Variants in SIX5 observed in about 807,000 individuals in gnomAD.
The protein encoded by SIX5 is homeobox protein SIX5.
A neutral mutation model predicts 37.1 loss-of-function variants in SIX5; 21 were observed. The ratio of observed to expected loss-of-function variants is 0.57; its 90% CI spans 0.40 to 0.81. The LOEUF (loss-of-function observed/expected upper bound fraction) is 0.81. Ranked by LOEUF, SIX5 falls within the 40% of genes least tolerant of loss-of-function variation. The probability of loss-of-function intolerance (pLI) is 0.00; values close to 1 mark genes in which losing one functional copy is unlikely to be tolerated. For synonymous variants in SIX5, 626 were observed against 505.9 expected, an observed-to-expected ratio of 1.24 and a Z score of -3.19; for missense variants, 1,137 against 1,025.1, an observed-to-expected ratio of 1.11 and a Z score of -1.49.
chr19:45,766,940 C>T lies in SIX5; in HGVS notation c.1019G>A (p.Gly340Glu). The T allele has an allele frequency of 6.4e-7, 1 of 1,573,496 alleles. No homozygotes were observed. Among genetic ancestry groups the T allele is most frequent in the African/African-American group, 1.4e-5 (1 of 74,058 alleles). ...ASGSPAVLLN[G>E]GPVIINGLAL... is the part of the protein sequence containing the mutation. ...CAGGCCGTTGATGATGACGGGGCCC[C>T]CGTTGAGGAGCACTGCTGGGGAGCC... Residue 340 changes from glycine (G) to glutamate (E), a missense_variant, in exon 2 of 3, where the codon GGG becomes GAG. Gly to Glu is a moderately conservative substitution (Grantham distance 98). Transcript: ENST00000317578.
rs1969153559 is a variant in SIX5 at position 45,768,814 on chromosome 19, C to G, written c.31G>C (p.Gly11Arg). Residue 11 changes from glycine (G) to arginine (R), a missense_variant, in exon 1 of 3, where the codon GGG becomes CGG. Coordinates refer to ENST00000317578, the MANE Select transcript of SIX5 (RefSeq NM_175875.5). MATLPAEPSA[G>R]PAAGGEAVAA... ...ACCGCCTCCCCCCCAGCCGCCGGCC[C>G]CGCGCTCGGCTCCGCAGGCAAGGTA... The G allele has an allele frequency of 1.3e-6, 2 of 1,530,254 alleles. No homozygotes were observed. Among genetic ancestry groups the G allele is most frequent in the African/African-American group, 2.7e-5 (2 of 72,878 alleles). 94.8% of individuals were successfully genotyped at this position (1,530,254 alleles called of 1,614,324 possible).
chr19:45,766,902 C>T lies in SIX5; in HGVS notation c.1057G>A (p.Ala353Thr). 6.4e-7 allele frequency: 1 copy of T among 1,552,654 alleles called. No homozygotes were observed. Among genetic ancestry groups the T allele is most frequent in the Non-Finnish European group, 8.7e-7 (1 of 1,151,634 alleles). Residue 353 changes from alanine to threonine, a missense_variant, in exon 2 of 3, where the codon GCC becomes ACC. By Grantham distance (58) the Ala-to-Thr change is moderately conservative. Transcript: ENST00000317578. ...VIINGLALGE[A>T]SSLGPLLLTG... ...AGCAGCAGCGGGCCCAGGCTGGAGGCCTCGCCCAGGGCCAGGCCGTTGATG... is the reference window on the plus strand; with the variant it reads ...AGCAGCAGCGGGCCCAGGCTGGAGGTCTCGCCCAGGGCCAGGCCGTTGATG...
At chr19:45,767,189 T>G in intron 1 of SIX5, 34 bp from the exon 2 acceptor site, 1 of 1,600,710 alleles carries the variant, frequency 6.2e-7, no homozygotes, top group Non-Finnish European at 8.5e-7. Context: ...CTGGGGTCCC[T>G]TAGCCTGTGG....
intron 1 of SIX5, 77 bp from the exon 2 acceptor site, chr19:45,767,232 A>C (rs1782632727): frequency 2.0e-6 from 3 of 1,471,674 alleles, no homozygotes; most frequent in Non-Finnish European, 2.8e-6. Flanking sequence ...CTGCTCCCCC[A>C]CCTTTCCCTG....
chr19:45,767,258 G>T, intron 1 of SIX5, 103 bp from the exon 2 acceptor site: 1 of 1,239,602 alleles, frequency 8.1e-7, no homozygotes, highest in Non-Finnish European at 1.1e-6. Flanking sequence ...AGTTTCGGTG[G>T]ATCATTCCAG....
rs1969090607 is a variant in SIX5 at position 45,766,979 on chromosome 19, A to C, written c.980T>G (p.Phe327Cys). ...TGCTGGGGAGCCGCTGGCTGCCAGG[A>C]AGCTCCCGTTCACCAGGATGGAGGA... Reference protein sequence around the residue: ...ASSSILVNGSFLAASGSPAVL... With the variant: ...ASSSILVNGSCLAASGSPAVL... The change falls in exon 2 of 3, where the codon TTC becomes TGC. Residue 327 changes from phenylalanine to cysteine, a missense_variant. Around this residue, in one of 3 missense-constraint regions of SIX5, gnomAD observed 787 missense variants for 621.4 expected, o/e 1.27. Transcript: ENST00000317578. 1 of 1,599,680 alleles carries C rather than the reference A, an allele frequency of 6.3e-7. No homozygotes were observed.
rs1168308724 is a variant in SIX5 at position 45,768,942 on chromosome 19, C to T, written c.-98G>A. The T allele has an allele frequency of 9.4e-6, 11 of 1,174,336 alleles. No homozygotes were observed. Among genetic ancestry groups the T allele is most frequent in the Admixed American group, 6.4e-5 (3 of 46,616 alleles). The allele number at this position is 1,174,336 out of a possible 1,614,324, so 72.7% of individuals were successfully genotyped here. A position where few individuals can be genotyped will look rare whatever the true frequency, so the allele number is the denominator to read the frequency against. Reference sequence around the variant, plus strand: ...TGTCCCCCCTTTTCGCCCCCACTCCCCGCTCTTCTCGATCTTCTTTCTGGC... The same window carrying T: ...TGTCCCCCCTTTTCGCCCCCACTCCTCGCTCTTCTCGATCTTCTTTCTGGC... On this transcript the variant is annotated 5_prime_UTR_variant, in exon 1 of 3. Coordinates refer to ENST00000317578, the MANE Select transcript of SIX5 (RefSeq NM_175875.5).
Position 45,765,495 on chromosome 19 carries a change from A to G in SIX5, c.*6T>C, listed in dbSNP as rs1413826890. The G allele has an allele frequency of 1.2e-6, 2 of 1,613,158 alleles. No homozygotes were observed. The highest frequency in any genetic ancestry group is 1.1e-5 in the South Asian group (1 of 91,082). On this transcript the variant is annotated 3_prime_UTR_variant, in exon 3 of 3. Transcript: ENST00000317578. ...ATGTCGGGAGAGGCCACGGGGCCAC[A>G]CTGGGTCACAGTTCCAAGGGCTCCT...
chr19:45,767,080 T>C lies in SIX5; in HGVS notation c.879A>G (p.Pro293=), dbSNP rs907867982. The stretch of plus-strand genomic sequence containing the variant: ...CCTGGGCAGCGGCCTCGGCGGACAC[T>C]GGGGCCGCCCCTCTCTCCAGGTCCT... ...SPEDLERGAA[P]VSAEAAAQGS... is the part of the protein sequence containing the mutation. Residue 293 remains proline, a synonymous_variant, in exon 2 of 3, where the codon CCA becomes CCG. Coordinates refer to ENST00000317578, the MANE Select transcript of SIX5 (RefSeq NM_175875.5). 25 of 1,609,460 alleles carry C rather than the reference T, an allele frequency of 1.6e-5. No individual in the cohort carries two copies. Among genetic ancestry groups the C allele is most frequent in the Non-Finnish European group, 2.0e-5 (23 of 1,177,666 alleles).
rs1969044656 is a variant in SIX5 at position 45,765,247 on chromosome 19, C to G, written c.*254G>C. On this transcript the variant is annotated 3_prime_UTR_variant, in exon 3 of 3. Coordinates refer to ENST00000317578, the MANE Select transcript of SIX5 (RefSeq NM_175875.5). ...GCCCCTGAGTCAGGACCCTGAGTCC[C>G]CCACGTATATGGCAGGGCACAGCAT... 1.7e-6 allele frequency: 1 copy of G among 589,244 alleles called. No individual in the cohort carries two copies. Among genetic ancestry groups the G allele is most frequent in the Non-Finnish European group, 3.0e-6 (1 of 329,310 alleles). 36.5% of individuals were successfully genotyped at this position (589,244 alleles called of 1,614,324 possible).
Position 45,768,772 on chromosome 19 carries a change from TCGC to T in SIX5, c.70_72del (p.Ala24del), listed in dbSNP as rs746882479. 43 of 1,525,220 alleles carry T rather than the reference TCGC, an allele frequency of 2.8e-5. No individual in the cohort carries two copies. The highest frequency in any genetic ancestry group is 2.1e-4 in the Middle Eastern group (1 of 4,760). The allele number at this position is 1,525,220 out of a possible 1,614,324, so 94.5% of individuals were successfully genotyped here. A position where few individuals can be genotyped will look rare whatever the true frequency, so the allele number is the denominator to read the frequency against. ...CGCGCTTCCTCCTCCTCCTCTTCGG[TCGC>T]CGCCGCCGCCGCCACCGCCTCCCCC... is the stretch of plus-strand genomic sequence containing the variant. On this transcript the variant is annotated inframe_deletion, in exon 1 of 3. Coordinates refer to ENST00000317578, the MANE Select transcript of SIX5 (RefSeq NM_175875.5).
chr19:45,767,471 G>C (rs965788943), intron 1 of SIX5, among the ~76,000 whole-genome samples: 2 of 152,206 alleles, frequency 1.3e-5, no homozygotes, highest in Non-Finnish European at 2.9e-5. Context: ...CTGGAGAGAG[G>C]GAGCAGCAGC....
rs1159003805 is a variant in SIX5, at chr19:45,769,050, CGTCT to C, written c.-210_-207del. 4.1e-5 allele frequency: 22 copies of C among 531,968 alleles called. No homozygotes were observed. The highest frequency in any genetic ancestry group is 7.0e-5 in the Non-Finnish European group (21 of 299,712). The allele number at this position is 531,968 out of a possible 1,614,324, so 33.0% of individuals were successfully genotyped here. A position where few individuals can be genotyped will look rare whatever the true frequency, so the allele number is the denominator to read the frequency against. On this transcript the variant is annotated 5_prime_UTR_variant, in exon 1 of 3. Transcript: ENST00000317578. ...CCCTTGTGTGTGTCCGTCCCCCTCC[CGTCT>C]GTCTGTGATTCTCCCTTTGTTTTCC...
chr19:45,765,531 C>G lies in SIX5; in HGVS notation c.2190G>C (p.Ser730=). ...GTTCCAAGGGCTCCTCCACAGGCAC[C>G]GACTGGAGCTGGGTCAGAACCTTGG... ...AEAKVLTQLQ[S]VPVEEPLEL The change falls in exon 3 of 3, where the codon TCG becomes TCC. Residue 730 remains serine, a synonymous_variant. Coordinates refer to ENST00000317578, the MANE Select transcript of SIX5 (RefSeq NM_175875.5). 1 of 1,613,490 alleles carries G rather than the reference C, an allele frequency of 6.2e-7. No individual in the cohort carries two copies. Among genetic ancestry groups the G allele is most frequent in the Non-Finnish European group, 8.5e-7 (1 of 1,180,026 alleles).
At position 45,765,951 on chromosome 19, in the gene SIX5, C is replaced by G. The variant is rs1969062771; in HGVS notation, c.1770G>C (p.Glu590Asp). 6.3e-7 allele frequency: 1 copy of G among 1,598,204 alleles called. No individual in the cohort carries two copies. Residue 590 changes from glutamate to aspartate, a missense_variant, in exon 3 of 3, where the codon GAG (glutamate) becomes GAC (aspartate). Coordinates refer to ENST00000317578, the MANE Select transcript of SIX5 (RefSeq NM_175875.5). ...CTCCCTCAGGCACGGAGATGGCCGT[C>G]TCTGGCTTCAGTGGCAGGGCCAGGC... ...APGLALPLKP[E>D]TAISVPEGGL...
chr19:45,767,579 C>G (rs1053417452), intron 1 of SIX5, among the ~76,000 whole-genome samples: 13 of 152,178 alleles, frequency 8.5e-5, no homozygotes, highest in African/African-American at 2.9e-4. Context: ...ACAGGGAAAC[C>G]GGAGCTGGGA....
rs1308570682 is a variant in SIX5, at chr19:45,768,218, C to T, written c.627G>A (p.Lys209=). The T allele has an allele frequency of 1.2e-6, 2 of 1,613,138 alleles. No individual in the cohort carries two copies. The highest frequency in any genetic ancestry group is 1.3e-5 in the African/African-American group (1 of 74,934). ...WDGEETVYCF[K]ERSRAALKAC... ...CCTTGAGCGCTGCGCGGGAGCGCTC[C>T]TTGAAGCAGTAGACTGTCTCCTCGC... The change falls in exon 1 of 3, where the codon AAG becomes AAA. Residue 209 remains lysine (K), a synonymous_variant. Coordinates refer to ENST00000317578, the MANE Select transcript of SIX5 (RefSeq NM_175875.5).
chr19:45,765,695 C>T lies in SIX5; in HGVS notation c.2026G>A (p.Glu676Lys), dbSNP rs1221222899. The T allele has an allele frequency of 1.2e-5, 20 of 1,613,050 alleles. No homozygotes were observed. Among genetic ancestry groups the T allele is most frequent in the African/African-American group, 6.7e-5 (5 of 74,942 alleles). The change falls in exon 3 of 3, where the codon GAG becomes AAG. Residue 676 changes from glutamate (E) to lysine (K), a missense_variant. Transcript: ENST00000317578. ...CCCTTTTCCGCTTCCAGCAGCCCCT[C>T]TGTTCCTGCGCTTAGTTCCAGCCCT... ...SAGLELSAGTEGLLEAEKGLG... is the reference protein window; with the variant it reads ...SAGLELSAGTKGLLEAEKGLG...
Position 45,768,117 on chromosome 19 carries a change from G to A in SIX5, c.728C>T (p.Thr243Met). 1 of 1,608,050 alleles carries A rather than the reference G, an allele frequency of 6.2e-7. No individual in the cohort carries two copies. Among genetic ancestry groups the A allele is most frequent in the Non-Finnish European group, 8.5e-7 (1 of 1,178,886 alleles). The change falls in exon 1 of 3, where the codon ACG (threonine) becomes ATG (methionine). Residue 243 changes from threonine to methionine, a missense_variant. This residue lies in a region of SIX5 where 19 missense variants were observed against 42.8 expected (regional missense o/e 0.44). Transcript: ENST00000317578. ...GTTCTTGAACCAGTTGCTGACCTGCGTGAGCGACAGGCCGGTGAGTGTGGC... is the reference window on the plus strand; with the variant it reads ...GTTCTTGAACCAGTTGCTGACCTGCATGAGCGACAGGCCGGTGAGTGTGGC... ...RLATLTGLSL[T>M]QVSNWFKNRR...
Sources: allele counts gnomAD v4.1 joint callset (sites outside exome capture counted in the v4.1 genomes callset), GRCh38; gene constraint gnomAD v4.1.1; regional missense constraint gnomAD v4.1.1; transcripts MANE v1.5; gene names NCBI Gene and HGNC (gene_info 2026-07-23, HGNC 2026-07-21).